The following KCP variants were observed in gnomAD, a reference collection of about 807,000 sequenced individuals.
KCP encodes kielin/chordin-like protein.
In KCP, 194 loss-of-function variants were observed where a neutral mutation model predicts 212.7. The observed-to-expected ratio is 0.91, with a 90% CI of 0.81 to 1.03. KCP has a LOEUF of 1.03. Among genes scored for constraint, KCP ranks in the 50% least tolerant of loss-of-function variants. The pLI, the probability that KCP is intolerant of heterozygous loss-of-function variation, is 0.00. For synonymous variants in KCP, 833 were observed against 865.3 expected (o/e 0.96, Z 0.65); for missense variants, 2,080 against 2,162.5 (o/e 0.96, Z 0.76).
At chr7:128,909,088 G>A (rs1701522771) in intron 1 of KCP, among the ~76,000 whole-genome samples, 1 of 152,220 alleles carries the variant, frequency 6.6e-6, no homozygotes, top group African/African-American at 2.4e-5. Context: ...GCCTGTCCCT[G>A]CTTCTAGAAG....
chr7:128,904,208 G>A (rs1795007293), intron 5 of KCP, 70 bp from the exon 6 acceptor site: 7 of 1,521,474 alleles, frequency 4.6e-6, no homozygotes, highest in South Asian at 2.4e-5. Flanking sequence ...TTGAGGTAAG[G>A]CATGACCCCA....
chr7:128,894,412 C>T (rs746611796), intron 8 of KCP, 119 bp from the exon 9 acceptor site: 190 of 752,666 alleles, frequency 2.5e-4, no homozygotes, highest in African/African-American at 3.7e-4. Context: ...TGTGTGTCCC[C>T]GCCCCCAAAT....
chr7:128,904,657 T>A (rs895232173), intron 5 of KCP, among the ~76,000 whole-genome samples: 4 of 152,164 alleles, frequency 2.6e-5, no homozygotes. Flanking sequence ...CAGGTGCAGA[T>A]GACACAGGGC....
At chr7:128,893,153 AC>A (rs1794283715) in intron 13 of KCP, 84 bp downstream of exon 13, 3 of 1,363,928 alleles carry the variant, frequency 2.2e-6, no homozygotes, top group Middle Eastern at 2.0e-4. Context: ...AGCAACCCGT[AC>A]CCCGTCCTGG....
intron 21 of KCP, 60 bp downstream of exon 21, chr7:128,890,283 G>A (rs1205265793): frequency 6.4e-7 from 1 of 1,551,196 alleles, no homozygotes; most frequent in African/African-American, 1.4e-5. Context: ...AGATTATTCT[G>A]ACCCAGCCCT....
chr7:128,887,385 A>C, intron 22 of KCP, 85 bp from the exon 23 acceptor site: 3 of 1,033,750 alleles, frequency 2.9e-6, no homozygotes, highest in Non-Finnish European at 4.4e-6. Context: ...CCCCCTCCAC[A>C]CATACACAGC....
chr7:128,884,373 T>C (rs1793515719), intron 28 of KCP, among the ~76,000 whole-genome samples: 1 of 152,194 alleles, frequency 6.6e-6, no homozygotes, highest in African/African-American at 2.4e-5. Flanking sequence ...CCTTTGATCC[T>C]CCGGCAGGCT....
In KCP at chr7:128,892,620, A is replaced by G; in HGVS notation, c.1528-13T>C. 2 of 1,551,166 alleles carry G rather than the reference A, an allele frequency of 1.3e-6. No individual in the cohort carries two copies. Among genetic ancestry groups the G allele is most frequent in the Non-Finnish European group, 1.7e-6 (2 of 1,146,522 alleles). Reference sequence around the variant, plus strand: ...TCACAGTTCCATCCTGCGAGAGAGCAGGGGAGAGAGCAATCGGGGCATGCC... The same window carrying G: ...TCACAGTTCCATCCTGCGAGAGAGCGGGGGAGAGAGCAATCGGGGCATGCC... On this transcript the variant is annotated splice_polypyrimidine_tract_variant and intron_variant, in intron 15 of 39. Transcript: ENST00000610776.
chr7:128,907,936 C>G (rs1031251526), intron 2 of KCP, among the ~76,000 whole-genome samples: 1 of 152,022 alleles, frequency 6.6e-6, no homozygotes, highest in Non-Finnish European at 1.5e-5. Flanking sequence ...CGAGACCAGC[C>G]TGGCCAACGT....
At chr7:128,905,640 GC>G (rs1795086635) in intron 5 of KCP, among the ~76,000 whole-genome samples, 1 of 151,426 alleles carries the variant, frequency 6.6e-6, no homozygotes, top group South Asian at 2.1e-4. Flanking sequence ...TTCCTCAAGC[GC>G]CCCCTTGACC....
chr7:128,893,162 T>C lies in KCP; in HGVS notation c.1267+76A>G, dbSNP rs573690211. ...GGACTTAGCAACCCGTACCCCGTCC[T>C]GGGAAGGAGCACCCTCCTTCTGCAG... On this transcript the variant is annotated intron_variant, in intron 13 of 39. Coordinates refer to ENST00000610776, the MANE Select transcript of KCP (RefSeq NM_001366122.1). 3 of 1,424,466 alleles carry C rather than the reference T, an allele frequency of 2.1e-6. No individual in the cohort carries two copies. In the South Asian group the frequency reaches 3.7e-5, roughly 18 times the overall value. The allele number at this position is 1,424,466 out of a possible 1,614,324, so 88.2% of individuals were successfully genotyped here.
At chr7:128,882,236 G>A (rs1164897065) in intron 29 of KCP, among the ~76,000 whole-genome samples, 6 of 152,194 alleles carry the variant, frequency 3.9e-5, no homozygotes, top group East Asian at 1.9e-4. Flanking sequence ...ATTTGGGGCC[G>A]GGTGGGGGTG....
chr7:128,878,434 G>A (rs1585189817), intron 38 of KCP, 124 bp downstream of exon 38: 1 of 1,092,366 alleles, frequency 9.2e-7, no homozygotes, highest in Non-Finnish European at 1.3e-6. Context: ...CTCCCTGAAA[G>A]CCCAAAAGCC....
chr7:128,878,482 T>C (rs965380522), intron 38 of KCP, 76 bp downstream of exon 38: 4 of 1,444,632 alleles, frequency 2.8e-6, no homozygotes, highest in Non-Finnish European at 3.7e-6. Context: ...CTGCTTTCCA[T>C]GCCAGAGGGT....
rs1273335032 is a variant in KCP, at chr7:128,890,528, AG to A, written c.2165-16del. ...GTACAGGCAGCCTGGGGAGAAGGGCAGGGGCTGGGGGGCCGTGGGGACTAGA... is the reference window on the plus strand; with the variant it reads ...GTACAGGCAGCCTGGGGAGAAGGGCAGGGCTGGGGGGCCGTGGGGACTAGA... On this transcript the variant is annotated splice_polypyrimidine_tract_variant and intron_variant, in intron 20 of 39. Coordinates refer to ENST00000610776, the MANE Select transcript of KCP (RefSeq NM_001366122.1). 1 of 1,458,710 alleles carries A rather than the reference AG, an allele frequency of 6.9e-7. No homozygotes were observed. Among genetic ancestry groups the A allele is most frequent in the Admixed American group, 2.1e-5 (1 of 46,940 alleles). The allele number at this position is 1,458,710 out of a possible 1,614,324, so 90.4% of individuals were successfully genotyped here. A position where few individuals can be genotyped will look rare whatever the true frequency, so the allele number is the denominator to read the frequency against.
At position 128,884,868 on chromosome 7, in the gene KCP, G is replaced by C; in HGVS notation, c.3041-5C>G. ...TCCGGCCCTCATGCTCACAGTCTTT[G>C]GGGTGGAGTGAGAGCAGAACGGGAC... On this transcript the variant is annotated splice_region_variant and splice_polypyrimidine_tract_variant and intron_variant, in intron 27 of 39. Coordinates refer to ENST00000610776, the MANE Select transcript of KCP (RefSeq NM_001366122.1). 1 of 1,550,666 alleles carries C rather than the reference G, an allele frequency of 6.4e-7. No individual in the cohort carries two copies. Among genetic ancestry groups the C allele is most frequent in the Non-Finnish European group, 8.7e-7 (1 of 1,146,858 alleles).
chr7:128,880,838 C>T, intron 32 of KCP, 117 bp from the exon 33 acceptor site: 1 of 401,994 alleles, frequency 2.5e-6, no homozygotes, highest in South Asian at 1.3e-4. Flanking sequence ...ACATTCTTCA[C>T]AGTTCAAGAG....
chr7:128,887,031 A>G, intron 23 of KCP, 65 bp from the exon 24 acceptor site: 2 of 1,054,786 alleles, frequency 1.9e-6, no homozygotes, highest in South Asian at 1.4e-5. Context: ...TGGAGCCCCT[A>G]CTGAGCCTGC....
intron 23 of KCP, 50 bp downstream of exon 23, chr7:128,887,165 G>T: frequency 6.8e-7 from 1 of 1,463,224 alleles, no homozygotes; most frequent in Non-Finnish European, 9.4e-7. Context: ...TGGCCAGAGA[G>T]GAGTATCAAG....
Sources: gnomAD v4.1 joint callset for allele counts (sites outside exome capture counted in the v4.1 genomes callset) on GRCh38, gnomAD v4.1.1 for gene constraint, MANE v1.5 for transcripts, NCBI Gene and HGNC (gene_info 2026-07-23, HGNC 2026-07-21) for gene names.